Variants in EXTL3 observed in about 807,000 individuals in gnomAD.
EXTL3 encodes the protein exostosin like glycosyltransferase 3.
A neutral mutation model predicts 69.3 loss-of-function variants in EXTL3; 27 were observed. That is an observed-to-expected ratio of 0.39 (90% CI 0.29 to 0.54). The LOEUF is 0.54. Ranked by LOEUF, EXTL3 falls within the 20% of genes least tolerant of loss-of-function variation. The pLI is 0.69. For synonymous variants in EXTL3, 511 were observed against 499.4 expected (o/e 1.02, Z -0.31); for missense variants, 1,003 against 1,231.8 (o/e 0.81, Z 2.78).
intron 1 of EXTL3, among the ~76,000 whole-genome samples, chr8:28,666,832 C>T (rs1585240054): frequency 6.6e-6 from 1 of 152,326 alleles, no homozygotes; most frequent in South Asian, 2.1e-4. Context: ...GCCTCGGCCT[C>T]TCAGAGCGCT....
upstream of EXTL3, chr8:28,700,046 G>A (rs1234116225): frequency 2.1e-5 from 2 of 95,270 alleles, no homozygotes; most frequent in Non-Finnish European, 4.7e-5. Flanking sequence ...TAGAGGAACT[G>A]TTAAAAAAAA....
At chr8:28,622,336 G>T (rs1472825796), upstream of EXTL3, among the ~76,000 whole-genome samples, 1 of 152,244 alleles carries the variant, frequency 6.6e-6, no homozygotes, top group Non-Finnish European at 1.5e-5. Context: ...GCCCGGTGCC[G>T]TATAGCCCTC....
intron 1 of EXTL3, among the ~76,000 whole-genome samples, chr8:28,650,198 GA>G (rs35238223): frequency 0.013 from 1,280 of 95,258 alleles, 19 homozygotes; most frequent in African/African-American, 0.027. Context: ...TCTGTCTCAG[GA>G]AAAAAAAAAA....
intron 4 of EXTL3, among the ~76,000 whole-genome samples, chr8:28,732,854 G>A (rs1332348084): frequency 6.6e-6 from 1 of 152,132 alleles, no homozygotes; most frequent in African/African-American, 2.4e-5. Flanking sequence ...CTCCCGAGTA[G>A]CTGGGATTAC....
chr8:28,737,110 C>G (rs1426679891), intron 4 of EXTL3, among the ~76,000 whole-genome samples: 1 of 152,206 alleles, frequency 6.6e-6, no homozygotes, highest in African/African-American at 2.4e-5. Context: ...CCACCAAGCC[C>G]TTTCTTGGAA....
At chr8:28,697,987 G>A (rs1800711746), upstream of EXTL3, 1 of 152,178 alleles carries the variant, frequency 6.6e-6, no homozygotes, top group Non-Finnish European at 1.5e-5. Flanking sequence ...TGTGCATACT[G>A]TTGCCTTGGC....
intron 4 of EXTL3, among the ~76,000 whole-genome samples, chr8:28,736,425 GTTCTCCAA>G (rs1372058398): frequency 6.6e-6 from 1 of 152,202 alleles, no homozygotes; most frequent in Admixed American, 6.5e-5. Context: ...AACGCTTTCA[GTTCTCCAA>G]TTTATCCTGT....
At chr8:28,627,189 A>G (rs1296059655) in intron 1 of EXTL3, among the ~76,000 whole-genome samples, 3 of 149,242 alleles carry the variant, frequency 2.0e-5, no homozygotes. Flanking sequence ...CTCCATCTCA[A>G]AAAAAAAAAA....
At chr8:28,698,986 TC>T (rs916032458), upstream of EXTL3, among the ~76,000 whole-genome samples, 2 of 151,920 alleles carry the variant, frequency 1.3e-5, no homozygotes, top group African/African-American at 4.9e-5. Context: ...AGAGTGAGAC[TC>T]CGTCTCAAAA....
Position 28,693,391 on chromosome 8 carries a change from C to T in EXTL3, c.-52-20066C>T, listed in dbSNP as rs988273972. Among the ~76,000 whole-genome samples, 9 of 152,230 alleles carry T rather than the reference C, an allele frequency of 5.9e-5. No individual in the cohort carries two copies. The East Asian group carries it at 1.7e-3, about 29-fold the overall frequency. On this transcript the variant is annotated intron_variant, in intron 1 of 6. Transcript: ENST00000523149. ...TCTCAAACTCCTGACTTCAGGTGAT[C>T]CCCCCACCTCTGCCTCCCAAAAGTG...
At chr8:28,692,872 C>A (rs1800634590) in intron 1 of EXTL3, among the ~76,000 whole-genome samples, 1 of 152,174 alleles carries the variant, frequency 6.6e-6, no homozygotes. Context: ...CAACACTCTG[C>A]CTAATTTTAC....
chr8:28,651,399 C>T (rs1806916567), intron 1 of EXTL3, among the ~76,000 whole-genome samples: 1 of 152,116 alleles, frequency 6.6e-6, no homozygotes, highest in South Asian at 2.1e-4. Context: ...TATCATGACT[C>T]ACTGCAGCCT....
In EXTL3 at chr8:28,660,424, C is replaced by G. The variant is rs76431318; in HGVS notation, c.-53+37614C>G. Among the ~76,000 whole-genome samples the G allele has an allele frequency of 2.8e-4, 42 of 152,022 alleles. No individual in the cohort carries two copies. In the East Asian group the frequency reaches 7.2e-3, roughly 26 times the overall value. On this transcript the variant is annotated intron_variant, in intron 1 of 6. Coordinates refer to the EXTL3 transcript ENST00000523149. ...TACACAAGTGTATGTACGTTAAGCT[C>G]TCATACAAACATACACATACTGTAT...
chr8:28,619,827 C>A (rs1585216750), upstream of EXTL3, among the ~76,000 whole-genome samples: 1 of 143,946 alleles, frequency 6.9e-6, no homozygotes, highest in South Asian at 2.3e-4. Flanking sequence ...CCGTACACCG[C>A]CGACAGGGCT....
intron 3 of EXTL3, among the ~76,000 whole-genome samples, chr8:28,721,236 T>C (rs1413865177): frequency 6.6e-6 from 1 of 152,232 alleles, no homozygotes; most frequent in Non-Finnish European, 1.5e-5. Context: ...GCCACTCTCA[T>C]GTTGAGTTCT....
intron 1 of EXTL3, among the ~76,000 whole-genome samples, chr8:28,675,699 A>G (rs1248791740): frequency 1.3e-5 from 2 of 152,172 alleles, no homozygotes; most frequent in African/African-American, 4.8e-5. Flanking sequence ...GGGATTCTCC[A>G]TTTAGCGTTG....
chr8:28,642,484 A>T (rs1669478500), intron 1 of EXTL3, among the ~76,000 whole-genome samples: 1 of 149,902 alleles, frequency 6.7e-6, no homozygotes, highest in African/African-American at 2.5e-5. Flanking sequence ...TAGGTGTGGT[A>T]GCTCATACCT....
intron 1 of EXTL3, among the ~76,000 whole-genome samples, chr8:28,712,390 C>T (rs240949): frequency 7.9e-5 from 12 of 151,738 alleles, no homozygotes; most frequent in Admixed American, 6.6e-5. Flanking sequence ...TCATGTTTCA[C>T]GATGGTCCTG....
Position 28,731,336 on chromosome 8 carries a change from C to A in EXTL3, c.2262C>A (p.Ile754=). The stretch of plus-strand genomic sequence containing the variant: ...ATGCTCACCTCCGCCATGACGAAAT[C>A]ATGTTTGGGTTCCGGTGAGAGACTA... The part of the protein sequence containing the change: ...DDDAHLRHDE[I]MFGFRVWREA... Residue 754 remains isoleucine (I), a synonymous_variant, in exon 4 of 7, where the codon ATC becomes ATA. Transcript: ENST00000220562. 7 of 1,614,238 alleles carry A rather than the reference C, an allele frequency of 4.3e-6. No individual in the cohort carries two copies. The highest frequency in any genetic ancestry group is 5.9e-6 in the Non-Finnish European group (7 of 1,180,040).
Sources: gnomAD v4.1 joint callset for allele counts (sites outside exome capture counted in the v4.1 genomes callset) on GRCh38, gnomAD v4.1.1 for gene constraint, MANE v1.5 for transcripts, NCBI Gene and HGNC (gene_info 2026-07-23, HGNC 2026-07-21) for gene names.